CTNNA2: variants seen among roughly 807,000 people sequenced by gnomAD.
CTNNA2 encodes catenin alpha 2.
In CTNNA2, 42 loss-of-function variants were observed where a neutral mutation model predicts 101.0. That is an observed-to-expected ratio of 0.42 (90% CI 0.32 to 0.54). The LOEUF is 0.54. Ranked by LOEUF, CTNNA2 falls within the 20% of genes least tolerant of loss-of-function variation. The probability of loss-of-function intolerance (pLI) is 0.14; values close to 1 mark genes in which losing one functional copy is unlikely to be tolerated. For synonymous variants in CTNNA2, 450 were observed against 456.4 expected, an observed-to-expected ratio of 0.99 and a Z score of 0.18; for missense variants, 871 against 1,223.1, an observed-to-expected ratio of 0.71 and a Z score of 4.29.
chr2:80,130,745 T>C (rs553049192), intron 7 of CTNNA2, among the ~76,000 whole-genome samples: 2 of 152,096 alleles, frequency 1.3e-5, no homozygotes, highest in Admixed American at 6.5e-5. Context: ...TTGTTATTTC[T>C]TGTACTCTTT....
At chr2:80,619,765 G>T (rs1474584676) in intron 18 of CTNNA2, among the ~76,000 whole-genome samples, 2 of 151,630 alleles carry the variant, frequency 1.3e-5, no homozygotes, top group African/African-American at 2.4e-5. Context: ...TTCATTTTTT[G>T]AAAAAAGTTA....
intron 7 of CTNNA2, among the ~76,000 whole-genome samples, chr2:80,367,237 C>T (rs1158404661): frequency 6.6e-6 from 1 of 151,958 alleles, no homozygotes; most frequent in Non-Finnish European, 1.5e-5. Flanking sequence ...ACTGTTTTTC[C>T]CTTCTATTCT....
At chr2:79,563,741 A>T (rs913002480) in intron 1 of CTNNA2, among the ~76,000 whole-genome samples, 8 of 152,222 alleles carry the variant, frequency 5.3e-5, no homozygotes, top group African/African-American at 1.9e-4. Flanking sequence ...AAGCTAACTC[A>T]TAATTATGTT....
At chr2:79,334,691 G>A (rs983849911) in intron 3 of CTNNA2, among the ~76,000 whole-genome samples, 1 of 152,156 alleles carries the variant, frequency 6.6e-6, no homozygotes, top group Non-Finnish European at 1.5e-5. Flanking sequence ...GTTTCATAGA[G>A]AGGGCGATTC....
At chr2:79,326,322 T>C (rs1676746974) in intron 3 of CTNNA2, among the ~76,000 whole-genome samples, 1 of 147,050 alleles carries the variant, frequency 6.8e-6, no homozygotes, top group Non-Finnish European at 1.5e-5. Context: ...AAACCAGACA[T>C]CTAGAGATAA....
chr2:80,174,513 C>T (rs1018720935), intron 7 of CTNNA2, among the ~76,000 whole-genome samples: 2 of 152,160 alleles, frequency 1.3e-5, no homozygotes, highest in African/African-American at 4.8e-5. Flanking sequence ...CCTAGGCCAT[C>T]TCATTCTTGC....
intron 17 of CTNNA2, among the ~76,000 whole-genome samples, chr2:80,615,740 G>C (rs1327488427): frequency 6.6e-6 from 1 of 151,560 alleles, no homozygotes; most frequent in East Asian, 1.9e-4. Flanking sequence ...TCCAGCCTAA[G>C]TTAAATCATT....
chr2:80,321,632 T>G (rs1678701526), intron 7 of CTNNA2, among the ~76,000 whole-genome samples: 1 of 152,164 alleles, frequency 6.6e-6, no homozygotes, highest in African/African-American at 2.4e-5. Flanking sequence ...CCTACCATGG[T>G]GGGCTTAAAC....
At chr2:80,300,281 GGTGTGTGTGTGTGTGTGTGTGTGT>G (rs70940079) in intron 7 of CTNNA2, among the ~76,000 whole-genome samples, 32 of 93,108 alleles carry the variant, frequency 3.4e-4, no homozygotes, top group African/African-American at 1.2e-3. Flanking sequence ...GGGGTGTTGG[GGTGTGTGTGTGTGTGTGTGTGTGT>G]GTGTGTGTGT....
chr2:80,475,750 C>T, intron 9 of CTNNA2, among the ~76,000 whole-genome samples: 1 of 152,132 alleles, frequency 6.6e-6, no homozygotes, highest in East Asian at 1.9e-4. Flanking sequence ...AGGTCTCAAA[C>T]TGCCAGTCTG....
intron 12 of CTNNA2, among the ~76,000 whole-genome samples, chr2:80,556,637 A>G (rs983419133): frequency 6.6e-6 from 1 of 152,146 alleles, no homozygotes; most frequent in South Asian, 2.1e-4. Flanking sequence ...TGGAGAATAT[A>G]TAAGACTGGC....
chr2:80,254,989 A>G (rs576786218), intron 7 of CTNNA2, among the ~76,000 whole-genome samples: 26 of 152,094 alleles, frequency 1.7e-4, no homozygotes, highest in African/African-American at 6.0e-4. Context: ...GCAGAAATTG[A>G]ACATAATGAG....
At chr2:79,790,268 C>A (rs997005410) in intron 3 of CTNNA2, among the ~76,000 whole-genome samples, 15 of 152,030 alleles carry the variant, frequency 9.9e-5, no homozygotes, top group Non-Finnish European at 2.1e-4. Context: ...GGAAAATTAC[C>A]AAGCCAAATG....
intron 4 of CTNNA2, among the ~76,000 whole-genome samples, chr2:79,492,890 G>T (rs1319949334): frequency 6.6e-6 from 1 of 152,142 alleles, no homozygotes; most frequent in East Asian, 1.9e-4. Context: ...TCCCAGAAAT[G>T]CAAAGTTGGC....
intron 3 of CTNNA2, among the ~76,000 whole-genome samples, chr2:79,822,037 C>A (rs1039874105): frequency 6.6e-6 from 1 of 152,078 alleles, no homozygotes; most frequent in Non-Finnish European, 1.5e-5. Context: ...TAAAAGAATA[C>A]AATGTTTTTG....
intron 2 of CTNNA2, among the ~76,000 whole-genome samples, chr2:79,660,337 A>T (rs1268931302): frequency 6.6e-6 from 1 of 150,704 alleles, no homozygotes; most frequent in African/African-American, 2.4e-5. Flanking sequence ...GTGTATGTAT[A>T]CTATACATAT....
At chr2:79,697,501 A>C (rs1684722479) in intron 2 of CTNNA2, among the ~76,000 whole-genome samples, 1 of 152,076 alleles carries the variant, frequency 6.6e-6, no homozygotes. Flanking sequence ...TGCCTTTTCA[A>C]ATGTGTTGCA....
At chr2:79,449,302 A>G (rs1242387934) in intron 4 of CTNNA2, among the ~76,000 whole-genome samples, 1 of 151,994 alleles carries the variant, frequency 6.6e-6, no homozygotes, top group Non-Finnish European at 1.5e-5. Context: ...AGAGTGGAAA[A>G]GAGATAATAG....
At chr2:80,182,531 A>G (rs533756294) in intron 7 of CTNNA2, among the ~76,000 whole-genome samples, 1 of 152,262 alleles carries the variant, frequency 6.6e-6, no homozygotes, top group Admixed American at 6.5e-5. Flanking sequence ...CACACATACC[A>G]TGCTCATTCT....
Sources: gnomAD v4.1 joint callset for allele counts (sites outside exome capture counted in the v4.1 genomes callset) on GRCh38, gnomAD v4.1.1 for gene constraint, MANE v1.5 for transcripts, NCBI Gene and HGNC (gene_info 2026-07-23, HGNC 2026-07-21) for gene names.